The following TRHDE variants were observed in gnomAD, a reference collection of about 807,000 sequenced individuals.
The protein encoded by TRHDE is thyrotropin releasing hormone degrading enzyme.
In TRHDE, 72 loss-of-function variants were observed where a neutral mutation model predicts 125.7. That is an observed-to-expected ratio of 0.57 (90% CI 0.47 to 0.70). The LOEUF is 0.70. Ranked by LOEUF, TRHDE falls within the 30% of genes least tolerant of loss-of-function variation. The pLI is 0.00. For synonymous variants in TRHDE, 509 were observed against 509.1 expected, an observed-to-expected ratio of 1.00 and a Z score of 0.00; for missense variants, 1,110 against 1,327.1, an observed-to-expected ratio of 0.84 and a Z score of 2.54.
At chr12:72,530,743 T>A (rs1445548620) in intron 6 of TRHDE, among the ~76,000 whole-genome samples, 1 of 151,914 alleles carries the variant, frequency 6.6e-6, no homozygotes, top group Non-Finnish European at 1.5e-5. Context: ...GTCAATTTAT[T>A]AAAGAAATCT....
At position 72,273,500 on chromosome 12, in the gene TRHDE, T is replaced by A; in HGVS notation, c.857T>A (p.Ile286Asn). The A allele has an allele frequency of 6.2e-7, 1 of 1,610,986 alleles. No individual in the cohort carries two copies. Among genetic ancestry groups the A allele is most frequent in the Non-Finnish European group, 8.5e-7 (1 of 1,179,982 alleles). ...YNLKIIYNALIENELLGFFRS... is the reference protein window; with the variant it reads ...YNLKIIYNALNENELLGFFRS... Reference sequence around the variant, plus strand: ...CTGAAGATTATCTACAACGCGCTCATCGAGAATGAGCTCCTGGGCTTCTTC... The same window carrying A: ...CTGAAGATTATCTACAACGCGCTCAACGAGAATGAGCTCCTGGGCTTCTTC... Residue 286 changes from isoleucine to asparagine, a missense_variant, in exon 1 of 19, where the codon ATC (isoleucine) becomes AAC (asparagine). Around this residue, in one of 5 missense-constraint regions of TRHDE, gnomAD observed 252 missense variants for 274.8 expected, o/e 0.92. Transcript: ENST00000261180. The surrounding 1 kb of genome is among the most constrained non-coding windows in gnomAD (Gnocchi z 5.3).
At chr12:72,389,767 G>T (rs368313418) in intron 3 of TRHDE, among the ~76,000 whole-genome samples, 1 of 152,132 alleles carries the variant, frequency 6.6e-6, no homozygotes, top group Non-Finnish European at 1.5e-5. Context: ...CATTTTGGGG[G>T]ATACAATTCA....
At position 72,389,691 on chromosome 12, in the gene TRHDE, C is replaced by A. The variant is rs572064608; in HGVS notation, c.1315+11570C>A. Among the ~76,000 whole-genome samples, 6 of 152,280 alleles carry A rather than the reference C, an allele frequency of 3.9e-5. No individual in the cohort carries two copies. The South Asian group carries it at 1.0e-3, about 26-fold the overall frequency. On this transcript the variant is annotated intron_variant, in intron 3 of 18. Transcript: ENST00000261180. Reference sequence around the variant, plus strand: ...CCCCACCCTCATGACCTTATATAAACCTAATTACCTCCCAAGGTCCCATCT... The same window carrying A: ...CCCCACCCTCATGACCTTATATAAAACTAATTACCTCCCAAGGTCCCATCT...
At chr12:72,495,062 T>A (rs936601394) in intron 5 of TRHDE, among the ~76,000 whole-genome samples, 1 of 121,554 alleles carries the variant, frequency 8.2e-6, no homozygotes, top group Non-Finnish European at 1.6e-5. Context: ...CCTCCCCCGT[T>A]TTTTTTTTTT....
At chr12:72,624,602 G>T (rs1393499938) in intron 15 of TRHDE, among the ~76,000 whole-genome samples, 2 of 151,838 alleles carry the variant, frequency 1.3e-5, no homozygotes, top group Non-Finnish European at 2.9e-5. Context: ...GGACCAAAAA[G>T]TACAATGAAT....
rs577634379 is a variant in TRHDE, at chr12:72,175,683, T to C, written n.279+69931T>C. Among the ~76,000 whole-genome samples the C allele has an allele frequency of 4.7e-4, 72 of 152,362 alleles. 1 individual carries two copies. The highest frequency in any genetic ancestry group is 1.7e-3 in the African/African-American group (69 of 41,596). ...ATGAAAATAATTGTAACTCTTTACC[T>C]AATGGACCACCTATACTTACAAGTA... On this transcript the variant is annotated intron_variant and non_coding_transcript_variant, in intron 2 of 4. Coordinates refer to the TRHDE transcript ENST00000548156.
chr12:72,597,480 C>A (rs1871990964), intron 12 of TRHDE, among the ~76,000 whole-genome samples: 1 of 151,396 alleles, frequency 6.6e-6, no homozygotes, highest in South Asian at 2.1e-4. Flanking sequence ...CCAGCCTGGC[C>A]AACATGGTGA....
chr12:72,566,163 A>T (rs1870432449), intron 9 of TRHDE, among the ~76,000 whole-genome samples: 1 of 152,090 alleles, frequency 6.6e-6, no homozygotes, highest in African/African-American at 2.4e-5. Flanking sequence ...ATGTATTAAC[A>T]GTACGGTATT....
chr12:72,517,126 C>T (rs1878910251), intron 6 of TRHDE, among the ~76,000 whole-genome samples: 1 of 151,668 alleles, frequency 6.6e-6, no homozygotes, highest in South Asian at 2.1e-4. Flanking sequence ...GTGTCTCTGC[C>T]AGGCTTTGGT....
At chr12:72,178,109 A>G (rs1344979860) in intron 2 of TRHDE, among the ~76,000 whole-genome samples, 1 of 152,154 alleles carries the variant, frequency 6.6e-6, no homozygotes, top group African/African-American at 2.4e-5. Context: ...GCTTTGATAC[A>G]TCTGCCTCAC....
At chr12:72,125,196 C>G (rs1464214011) in intron 2 of TRHDE, among the ~76,000 whole-genome samples, 1 of 152,040 alleles carries the variant, frequency 6.6e-6, no homozygotes, top group Non-Finnish European at 1.5e-5. Flanking sequence ...AAATGGGCAG[C>G]TTCTCCTCTA....
chr12:72,455,833 A>C (rs952042031), intron 3 of TRHDE, among the ~76,000 whole-genome samples: 7 of 152,000 alleles, frequency 4.6e-5, no homozygotes, highest in African/African-American at 1.7e-4. Context: ...CAGAACCCAC[A>C]AGTATAGCTT....
At chr12:72,524,001 C>G (rs545016339) in intron 6 of TRHDE, among the ~76,000 whole-genome samples, 15 of 152,284 alleles carry the variant, frequency 9.9e-5, no homozygotes, top group Middle Eastern at 3.4e-3. Flanking sequence ...TGATGGACTT[C>G]TAGATTTTAT....
intron 15 of TRHDE, among the ~76,000 whole-genome samples, chr12:72,643,865 T>A (rs1874169232): frequency 6.6e-6 from 1 of 152,170 alleles, no homozygotes; most frequent in Admixed American, 6.5e-5. Context: ...AACTGTGGAT[T>A]TTTAAAAAAA....
intron 6 of TRHDE, among the ~76,000 whole-genome samples, chr12:72,530,028 T>C (rs1165300669): frequency 2.0e-5 from 3 of 152,186 alleles, no homozygotes; most frequent in African/African-American, 7.2e-5. Context: ...GACTCCATCC[T>C]CTTGTCTACT....
intron 4 of TRHDE, among the ~76,000 whole-genome samples, chr12:72,471,048 T>C (rs1592469805): frequency 6.6e-6 from 1 of 151,964 alleles, no homozygotes; most frequent in East Asian, 1.9e-4. Flanking sequence ...GCTAATTTTT[T>C]ATATTTTTAG....
intron 2 of TRHDE, among the ~76,000 whole-genome samples, chr12:72,115,801 T>G (rs563862988): frequency 4.6e-4 from 70 of 152,280 alleles, no homozygotes; most frequent in African/African-American, 1.7e-3. Context: ...TAATCAATGA[T>G]GTTGAACACC....
At chr12:72,301,083 C>T (rs1868254416) in intron 2 of TRHDE, among the ~76,000 whole-genome samples, 1 of 152,052 alleles carries the variant, frequency 6.6e-6, no homozygotes, top group Non-Finnish European at 1.5e-5. Flanking sequence ...CTATATGATC[C>T]TGTCGTATCA....
At chr12:72,603,005 A>G (rs1872268880) in intron 12 of TRHDE, among the ~76,000 whole-genome samples, 1 of 152,206 alleles carries the variant, frequency 6.6e-6, no homozygotes, top group African/African-American at 2.4e-5. Context: ...TAGCCATAAC[A>G]ACAGAACTAT....
Sources: allele counts gnomAD v4.1 joint callset (sites outside exome capture counted in the v4.1 genomes callset), GRCh38; gene constraint gnomAD v4.1.1; regional missense constraint gnomAD v4.1.1; non-coding constraint Gnocchi (gnomAD v3.1); transcripts MANE v1.5; gene names NCBI Gene and HGNC (gene_info 2026-07-23, HGNC 2026-07-21).